Variants in LRRC4C observed in about 807,000 individuals in gnomAD.
The protein encoded by LRRC4C is leucine-rich repeat-containing protein 4C.
A neutral mutation model predicts 33.6 loss-of-function variants in LRRC4C; 5 were observed. The ratio of observed to expected loss-of-function variants is 0.15; its 90% CI spans 0.08 to 0.31. The LOEUF is 0.31. Among genes scored for constraint, LRRC4C ranks in the 10% least tolerant of loss-of-function variants. The pLI is 1.00. For synonymous variants in LRRC4C, 329 were observed against 302.0 expected (o/e 1.09, Z -0.93); for missense variants, 560 against 796.7 (o/e 0.70, Z 3.58).
chr11:40,412,820 C>G (rs10837403), intron 3 of LRRC4C, among the ~76,000 whole-genome samples: 56,387 of 151,838 alleles, frequency 0.37, 10,985 homozygotes, highest in South Asian at 0.47. Flanking sequence ...TCTAACATGG[C>G]AATAATAGCA....
chr11:40,691,964 A>G (rs889106481), intron 2 of LRRC4C, among the ~76,000 whole-genome samples: 5 of 152,066 alleles, frequency 3.3e-5, no homozygotes, highest in African/African-American at 1.2e-4. Context: ...TTTCATGAAG[A>G]TAAGACAGAA....
At chr11:40,945,032 T>C (rs972435504) in intron 1 of LRRC4C, among the ~76,000 whole-genome samples, 1 of 146,748 alleles carries the variant, frequency 6.8e-6, no homozygotes, top group Non-Finnish European at 1.5e-5. Flanking sequence ...TCTTTTTTTT[T>C]TTTTTTTTTT....
At chr11:41,311,525 G>T (rs1487443155) in intron 1 of LRRC4C, among the ~76,000 whole-genome samples, 1 of 151,880 alleles carries the variant, frequency 6.6e-6, no homozygotes, top group East Asian at 1.9e-4. Context: ...TTTTCAATTG[G>T]GATATAAAAT....
At chr11:40,203,244 T>C (rs1191309210) in intron 5 of LRRC4C, among the ~76,000 whole-genome samples, 2 of 152,162 alleles carry the variant, frequency 1.3e-5, no homozygotes, top group African/African-American at 4.8e-5. Context: ...GGCCGTGAGT[T>C]TAGTGGCAGC....
chr11:40,587,701 G>T (rs1166256217), intron 3 of LRRC4C, among the ~76,000 whole-genome samples: 1 of 151,908 alleles, frequency 6.6e-6, no homozygotes, highest in East Asian at 1.9e-4. Flanking sequence ...GTTGAATTTT[G>T]TCAAAGGCCT....
intron 1 of LRRC4C, among the ~76,000 whole-genome samples, chr11:40,957,769 A>C (rs1462563539): frequency 6.6e-6 from 1 of 151,582 alleles, no homozygotes; most frequent in East Asian, 1.9e-4. Flanking sequence ...ATGCAAATCT[A>C]CTGGGGGATG....
chr11:40,469,411 C>T (rs1471515797), intron 3 of LRRC4C, among the ~76,000 whole-genome samples: 2 of 152,194 alleles, frequency 1.3e-5, no homozygotes, highest in Middle Eastern at 3.2e-3. Context: ...CCTCAGGTGA[C>T]TATACCACCA....
chr11:40,860,087 C>A (rs540517899), intron 2 of LRRC4C, among the ~76,000 whole-genome samples: 10 of 38,504 alleles, frequency 2.6e-4, no homozygotes, highest in Admixed American at 7.6e-4. Flanking sequence ...CTCTGTCCCC[C>A]CAAAAAATAA....
chr11:41,115,029 T>C (rs1018361548), intron 1 of LRRC4C, among the ~76,000 whole-genome samples: 3 of 152,090 alleles, frequency 2.0e-5, no homozygotes, highest in Admixed American at 2.0e-4. Flanking sequence ...TGAAGGCAGG[T>C]TACATGTTTA....
At chr11:40,619,658 T>G (rs1962244022) in intron 3 of LRRC4C, among the ~76,000 whole-genome samples, 1 of 151,710 alleles carries the variant, frequency 6.6e-6, no homozygotes, top group Non-Finnish European at 1.5e-5. Context: ...CTTCCCCTAC[T>G]GCAGCCTCCT....
At chr11:40,963,576 A>T (rs1851118367) in intron 1 of LRRC4C, among the ~76,000 whole-genome samples, 1 of 151,806 alleles carries the variant, frequency 6.6e-6, no homozygotes, top group African/African-American at 2.4e-5. Context: ...ATGACATAAG[A>T]TGCTTTGTAG....
intron 2 of LRRC4C, among the ~76,000 whole-genome samples, chr11:40,749,283 C>T (rs777523186): frequency 3.3e-5 from 5 of 151,768 alleles, no homozygotes; most frequent in Non-Finnish European, 1.5e-5. Flanking sequence ...TTTCATACCA[C>T]AATGGAATAA....
chr11:40,872,142 A>G (rs1266779726), intron 2 of LRRC4C, among the ~76,000 whole-genome samples: 1 of 152,102 alleles, frequency 6.6e-6, no homozygotes, highest in Non-Finnish European at 1.5e-5. Flanking sequence ...GCATCGGGAC[A>G]TCCACCAGTT....
chr11:40,971,186 G>A (rs778522363), intron 1 of LRRC4C, among the ~76,000 whole-genome samples: 1 of 152,166 alleles, frequency 6.6e-6, no homozygotes, highest in African/African-American at 2.4e-5. Context: ...TGGAGGAAAG[G>A]CCTCAAAGGC....
intron 3 of LRRC4C, among the ~76,000 whole-genome samples, chr11:40,322,316 G>T (rs534951498): frequency 6.6e-6 from 1 of 152,202 alleles, no homozygotes; most frequent in Non-Finnish European, 1.5e-5. Context: ...TGCGATCTCA[G>T]CTCACTGCAA....
chr11:40,713,055 ATTT>A (rs34787819), intron 2 of LRRC4C, among the ~76,000 whole-genome samples: 6 of 136,904 alleles, frequency 4.4e-5, no homozygotes, highest in Admixed American at 7.4e-5. Flanking sequence ...TGCCTGGCTA[ATTT>A]TTTTTTTTTT....
At chr11:41,040,124 T>G (rs1205868691) in intron 1 of LRRC4C, among the ~76,000 whole-genome samples, 3 of 121,990 alleles carry the variant, frequency 2.5e-5, no homozygotes, top group Admixed American at 9.6e-5. Context: ...GGCAACAGAG[T>G]GAGACTCTGT....
intron 1 of LRRC4C, among the ~76,000 whole-genome samples, chr11:41,295,737 G>T (rs1287453056): frequency 2.6e-5 from 4 of 151,852 alleles, no homozygotes; most frequent in African/African-American, 9.7e-5. Flanking sequence ...TTTCCAAGCT[G>T]CCTTTTTATT....
At chr11:40,979,023 A>G (rs1416693313) in intron 1 of LRRC4C, among the ~76,000 whole-genome samples, 1 of 152,140 alleles carries the variant, frequency 6.6e-6, no homozygotes, top group African/African-American at 2.4e-5. Flanking sequence ...TGAATATGAT[A>G]GTTCTTCTTT....
Sources: allele counts gnomAD v4.1 joint callset (sites outside exome capture counted in the v4.1 genomes callset), GRCh38; gene constraint gnomAD v4.1.1; transcripts MANE v1.5; gene names NCBI Gene and HGNC (gene_info 2026-07-23, HGNC 2026-07-21).